CTNNA2: variants seen among roughly 807,000 people sequenced by gnomAD.
CTNNA2 encodes catenin alpha-2.
CTNNA2 carries 42 observed loss-of-function variants against 101.0 expected under a neutral mutation model. The ratio of observed to expected loss-of-function variants is 0.42; its 90% confidence interval spans 0.32 to 0.54. The LOEUF (loss-of-function observed/expected upper bound fraction) is 0.54. Ranked by LOEUF, CTNNA2 falls within the 20% of genes least tolerant of loss-of-function variation. The probability of loss-of-function intolerance (pLI) is 0.14; values close to 1 mark genes in which losing one functional copy is unlikely to be tolerated. For synonymous variants in CTNNA2, 450 were observed against 456.4 expected (o/e 0.99, Z 0.18); for missense variants, 871 against 1,223.1 (o/e 0.71, Z 4.29).
At chr2:80,555,920 A>C (rs996424256) in intron 12 of CTNNA2, 27 bp downstream of exon 12, 1 of 1,369,696 alleles carries the variant, frequency 7.3e-7, no homozygotes, top group African/African-American at 1.5e-5. Context: ...GGTCTGGCCA[A>C]AATGTTAATG....
At chr2:79,850,649 A>T (rs1042583303) in intron 3 of CTNNA2, among the ~76,000 whole-genome samples, 3 of 152,174 alleles carry the variant, frequency 2.0e-5, no homozygotes, top group Non-Finnish European at 4.4e-5. Flanking sequence ...ACAGATTTTG[A>T]ATGCCTACTT....
intron 7 of CTNNA2, among the ~76,000 whole-genome samples, chr2:79,946,723 T>C (rs116460682): frequency 0.013 from 2,052 of 152,260 alleles, 53 homozygotes; most frequent in African/African-American, 0.047. Context: ...GGCTACCTGA[T>C]ATGTTGAAAG....
chr2:80,131,053 T>C (rs990174258), intron 7 of CTNNA2, among the ~76,000 whole-genome samples: 3 of 151,922 alleles, frequency 2.0e-5, no homozygotes, highest in African/African-American at 7.2e-5. Context: ...TCCTGTTTTT[T>C]TGTTTGTTTG....
At chr2:79,341,880 C>T (rs748576149) in intron 3 of CTNNA2, among the ~76,000 whole-genome samples, 2 of 152,142 alleles carry the variant, frequency 1.3e-5, no homozygotes, top group Non-Finnish European at 2.9e-5. Flanking sequence ...ATAAGTTGTC[C>T]TTCAGGTCTG....
rs139225633 is a variant in CTNNA2, at chr2:80,159,534, A to G, written c.1057-233677A>G. Reference sequence around the variant, plus strand: ...GAATATATTTTCTTGTGCTAACCATATATCTCCTTGCTTGGAATGTCCCTT... The same window carrying G: ...GAATATATTTTCTTGTGCTAACCATGTATCTCCTTGCTTGGAATGTCCCTT... On this transcript the variant is annotated intron_variant, in intron 7 of 18. Coordinates refer to ENST00000402739, the MANE Select transcript of CTNNA2 (RefSeq NM_001282597.3). Among the ~76,000 whole-genome samples the G allele has an allele frequency of 5.2e-3, 788 of 152,258 alleles. 9 individuals are homozygous for G. The highest frequency in any genetic ancestry group is 0.018 in the African/African-American group (729 of 41,544).
intron 8 of CTNNA2, among the ~76,000 whole-genome samples, chr2:80,414,854 T>G (rs745445153): frequency 3.3e-5 from 5 of 152,136 alleles, no homozygotes; most frequent in Admixed American, 6.5e-5. Context: ...TCCTCAAACT[T>G]TATACTGTGG....
At chr2:80,183,680 T>C (rs1705934756) in intron 7 of CTNNA2, among the ~76,000 whole-genome samples, 1 of 152,176 alleles carries the variant, frequency 6.6e-6, no homozygotes, top group Admixed American at 6.5e-5. Flanking sequence ...CCAAAGCACA[T>C]TGTATATTAT....
intron 7 of CTNNA2, among the ~76,000 whole-genome samples, chr2:80,034,193 A>G (rs1474110988): frequency 6.6e-6 from 1 of 151,922 alleles, no homozygotes; most frequent in Admixed American, 6.6e-5. Flanking sequence ...AACAGGCCTA[A>G]TTTTCCGTAA....
chr2:79,726,680 A>C (rs1312837607), intron 2 of CTNNA2, among the ~76,000 whole-genome samples: 1 of 152,198 alleles, frequency 6.6e-6, no homozygotes. Context: ...TGGGAGAATA[A>C]TAATGTACAC....
intron 7 of CTNNA2, among the ~76,000 whole-genome samples, chr2:80,207,956 A>T (rs1342661474): frequency 6.6e-6 from 1 of 152,220 alleles, no homozygotes; most frequent in Admixed American, 6.5e-5. Flanking sequence ...ACAGGAAAAA[A>T]GAAATTGTCA....
At chr2:79,718,138 G>T (rs1016824931) in intron 2 of CTNNA2, among the ~76,000 whole-genome samples, 1 of 152,184 alleles carries the variant, frequency 6.6e-6, no homozygotes, top group Non-Finnish European at 1.5e-5. Context: ...ACTTCCTATA[G>T]TAATAGTGTT....
At chr2:79,768,520 C>T (rs919693766) in intron 3 of CTNNA2, among the ~76,000 whole-genome samples, 7 of 151,580 alleles carry the variant, frequency 4.6e-5, no homozygotes. Flanking sequence ...TGCTCTGCCT[C>T]CTCCCCAGCT....
At chr2:80,046,907 C>T (rs796380166) in intron 7 of CTNNA2, among the ~76,000 whole-genome samples, 4 of 152,152 alleles carry the variant, frequency 2.6e-5, no homozygotes, top group South Asian at 4.1e-4. Context: ...AGGTATAGCA[C>T]GGATTCAAAT....
chr2:79,857,039 A>T (rs1369081695), intron 3 of CTNNA2, among the ~76,000 whole-genome samples: 1 of 152,210 alleles, frequency 6.6e-6, no homozygotes, highest in Non-Finnish European at 1.5e-5. Context: ...TCTAGGCATT[A>T]CTGCCTCTCT....
chr2:79,572,287 G>A lies in CTNNA2; in HGVS notation c.-6+59080G>A, dbSNP rs555013152. Among the ~76,000 whole-genome samples, 33 of 152,128 alleles carry A rather than the reference G, an allele frequency of 2.2e-4. No individual in the cohort carries two copies. The South Asian group carries it at 3.1e-3, about 14-fold the overall frequency. Reference sequence around the variant, plus strand: ...GCAGAACATCTCTGCTTTGATTTTCGTTTTATACTGAACTTCTGTATTTGA... The same window carrying A: ...GCAGAACATCTCTGCTTTGATTTTCATTTTATACTGAACTTCTGTATTTGA... On this transcript the variant is annotated intron_variant, in intron 1 of 18. Coordinates refer to ENST00000402739, the MANE Select transcript of CTNNA2 (RefSeq NM_001282597.3).
At chr2:80,301,594 G>A (rs189897166) in intron 7 of CTNNA2, among the ~76,000 whole-genome samples, 56 of 152,326 alleles carry the variant, frequency 3.7e-4, no homozygotes, top group Admixed American at 2.0e-3. Flanking sequence ...CCTCTCAGTT[G>A]CCTGAAGGTG....
At chr2:79,205,599 C>T (rs986948374) in intron 2 of CTNNA2, among the ~76,000 whole-genome samples, 2 of 152,126 alleles carry the variant, frequency 1.3e-5, no homozygotes, top group Non-Finnish European at 2.9e-5. Flanking sequence ...GAGCTCATTA[C>T]AGTAATTCAC....
chr2:80,468,748 T>A (rs1226511665), intron 9 of CTNNA2, among the ~76,000 whole-genome samples: 1 of 152,156 alleles, frequency 6.6e-6, no homozygotes, highest in Non-Finnish European at 1.5e-5. Flanking sequence ...AGTACCCATT[T>A]CTGTAGACGC....
intron 7 of CTNNA2, among the ~76,000 whole-genome samples, chr2:80,163,655 G>C (rs961553069): frequency 6.6e-6 from 1 of 152,050 alleles, no homozygotes; most frequent in Non-Finnish European, 1.5e-5. Flanking sequence ...GATTGGTACT[G>C]TTGAGTTCTT....
Sources: allele counts gnomAD v4.1 joint callset (sites outside exome capture counted in the v4.1 genomes callset), GRCh38; gene constraint gnomAD v4.1.1; transcripts MANE v1.5; gene names NCBI Gene and HGNC (gene_info 2026-07-23, HGNC 2026-07-21).